The following SLC35F6 variants were observed in gnomAD, a reference collection of about 807,000 sequenced individuals.
The protein encoded by SLC35F6 is ANT2-binding protein.
A neutral mutation model predicts 29.4 loss-of-function variants in SLC35F6; 26 were observed. The ratio of observed to expected loss-of-function variants is 0.89; its 90% confidence interval spans 0.65 to 1.23. The LOEUF (loss-of-function observed/expected upper bound fraction) is 1.23, where lower values mean the gene tolerates loss of function less well. Ranked by LOEUF, SLC35F6 falls within the 50% of genes most tolerant of loss-of-function variation. SLC35F6 has a pLI of 0.00. For missense variants in SLC35F6, 428 were observed against 487.8 expected (o/e 0.88, Z 1.15); for synonymous variants, 174 against 206.6 (o/e 0.84, Z 1.35).
intron 1 of SLC35F6, among the ~76,000 whole-genome samples, chr2:26,766,548 A>G (rs965401890): frequency 2.6e-5 from 4 of 152,174 alleles, no homozygotes; most frequent in African/African-American, 9.7e-5. Flanking sequence ...CAATGAGCCA[A>G]GATTGCACCA....
At chr2:26,776,170 G>A (rs549348951) in intron 4 of SLC35F6, among the ~76,000 whole-genome samples, 25 of 152,356 alleles carry the variant, frequency 1.6e-4, no homozygotes, top group African/African-American at 6.0e-4. Flanking sequence ...ACACAGGCAG[G>A]CCTCTGGGGC....
intron 1 of SLC35F6, among the ~76,000 whole-genome samples, chr2:26,772,702 G>A (rs1664220271): frequency 6.6e-6 from 1 of 152,146 alleles, no homozygotes; most frequent in South Asian, 2.1e-4. Context: ...CAGGAGATGA[G>A]AAGATTCAGA....
chr2:26,768,594 G>A (rs1197241705), intron 1 of SLC35F6, among the ~76,000 whole-genome samples: 1 of 151,194 alleles, frequency 6.6e-6, no homozygotes, highest in Non-Finnish European at 1.5e-5. Context: ...TCGATCTCCT[G>A]ACCTCGCCCA....
intron 5 of SLC35F6, among the ~76,000 whole-genome samples, chr2:26,777,739 T>C (rs1664326935): frequency 8.6e-6 from 1 of 116,468 alleles, no homozygotes; most frequent in East Asian, 2.0e-4. Flanking sequence ...GTAATGTTTT[T>C]ATGAGTGTGT....
At chr2:26,766,324 G>A (rs963990133) in intron 1 of SLC35F6, among the ~76,000 whole-genome samples, 2 of 152,346 alleles carry the variant, frequency 1.3e-5, no homozygotes, top group African/African-American at 2.4e-5. Flanking sequence ...CTGGCCCGGC[G>A]CGGTGGCTTA....
At chr2:26,764,931 C>T (rs1664070439) in intron 1 of SLC35F6, 1 of 985,302 alleles carries the variant, frequency 1.0e-6, no homozygotes, top group African/African-American at 1.7e-5. Flanking sequence ...GTGTCTGAGA[C>T]TGTAAGTCAA....
Position 26,775,643 on chromosome 2 carries a change from G to T in SLC35F6, c.502G>T (p.Asp168Tyr). The T allele has an allele frequency of 6.3e-7, 1 of 1,598,012 alleles. No individual in the cohort carries two copies. The change falls in exon 4 of 6, where the codon GAC (aspartate) becomes TAC (tyrosine). Residue 168 changes from aspartate to tyrosine, a missense_variant. Physicochemically the swap from Asp to Tyr is radical, Grantham distance 160. Coordinates refer to ENST00000344420, the MANE Select transcript of SLC35F6 (RefSeq NM_017877.4). The surrounding 1 kb of genome is among the most constrained non-coding windows in gnomAD (Gnocchi z 4.6). The part of the protein sequence containing the change: ...VGLADLLSKH[D>Y]SQHKLSEVIT... The stretch of plus-strand genomic sequence containing the variant: ...CCTGGCTGACCTCCTGAGCAAGCAC[G>T]ACAGTCAGCACAAGCTCAGCGAAGT...
rs996763153 is a variant in SLC35F6, at chr2:26,766,540, A to G, written c.77+2114A>G. ...TTGAACCCGGGAGGCGGAGGTTGCA[A>G]TGAGCCAAGATTGCACCACTGCCCT... On this transcript the variant is annotated intron_variant, in intron 1 of 5. Transcript: ENST00000344420. 7.9e-5 allele frequency among the ~76,000 whole-genome samples: 12 copies of G among 152,216 alleles called. No homozygotes were observed. In the South Asian group the frequency reaches 2.1e-3, roughly 26 times the overall value.
chr2:26,775,265 A>C lies in SLC35F6; in HGVS notation c.322+50A>C. 3 of 1,584,328 alleles carry C rather than the reference A, an allele frequency of 1.9e-6. No homozygotes were observed. The highest frequency in any genetic ancestry group is 2.6e-6 in the Non-Finnish European group (3 of 1,164,018). On this transcript the variant is annotated intron_variant, in intron 3 of 5. Transcript: ENST00000344420. This position sits in a 1 kb window ranked among gnomAD's most constrained non-coding sequence, Gnocchi z 4.6. ...AGGGCTCAGGGGAAGCTGTGGCTGA[A>C]GGGGCTACTGGTGAAACAGCCCTAT...
Position 26,778,027 on chromosome 2 carries a change from T to C in SLC35F6, c.647-15T>C, listed in dbSNP as rs1664333480. The C allele has an allele frequency of 6.3e-7, 1 of 1,599,864 alleles. No homozygotes were observed. The highest frequency in any genetic ancestry group is 8.5e-7 in the Non-Finnish European group (1 of 1,170,474). Reference sequence around the variant, plus strand: ...GGGGAAGGTGGAGAGTGTAACTGTTTCCTCTACTCCCCAGGCCTCTTTGGC... The same window carrying C: ...GGGGAAGGTGGAGAGTGTAACTGTTCCCTCTACTCCCCAGGCCTCTTTGGC... On this transcript the variant is annotated splice_polypyrimidine_tract_variant and intron_variant, in intron 5 of 5. Transcript: ENST00000344420.
Position 26,775,448 on chromosome 2 carries a change from G to A in SLC35F6, c.323-16G>A. On this transcript the variant is annotated splice_polypyrimidine_tract_variant and intron_variant, in intron 3 of 5. Coordinates refer to ENST00000344420, the MANE Select transcript of SLC35F6 (RefSeq NM_017877.4). The surrounding 1 kb of genome is among the most constrained non-coding windows in gnomAD (Gnocchi z 4.6). ...CGCCTTGGGAAGCTAACTGTAATTT[G>A]TTTCTCCTTTCCTAGCTCTGAACAT... 1 of 1,609,048 alleles carries A rather than the reference G, an allele frequency of 6.2e-7. No homozygotes were observed. The highest frequency in any genetic ancestry group is 1.1e-5 in the South Asian group (1 of 90,896).
At chr2:26,776,579 A>G in intron 5 of SLC35F6, 97 bp downstream of exon 5, 1 of 1,084,628 alleles carries the variant, frequency 9.2e-7, no homozygotes, top group South Asian at 1.4e-5. Flanking sequence ...GTGGGGGGTG[A>G]ACTTCCTGCC....
rs769224906 is a variant in SLC35F6 at position 26,778,231 on chromosome 2, C to G, written c.836C>G (p.Ala279Gly). The G allele has an allele frequency of 6.2e-7, 1 of 1,614,210 alleles. No individual in the cohort carries two copies. Among genetic ancestry groups the G allele is most frequent in the Non-Finnish European group, 8.5e-7 (1 of 1,180,036 alleles). ...AGCAGCATTGCCTTCTTCAACTTCGCAGGCATCAGCGTCACCAAGGAACTG... is the reference window on the plus strand; with the variant it reads ...AGCAGCATTGCCTTCTTCAACTTCGGAGGCATCAGCGTCACCAAGGAACTG... ...NISSIAFFNF[A>G]GISVTKELSA... Residue 279 changes from alanine (A) to glycine (G), a missense_variant, in exon 6 of 6, where the codon GCA (alanine) becomes GGA (glycine). Ala to Gly is a moderately conservative substitution (Grantham distance 60). Transcript: ENST00000344420.
At chr2:26,774,350 C>T (rs1664258815) in intron 2 of SLC35F6, 27 bp downstream of exon 2, 1 of 1,612,884 alleles carries the variant, frequency 6.2e-7, no homozygotes, top group Admixed American at 1.7e-5. Context: ...CTCCTACCTC[C>T]TGTCTCCCGG....
Position 26,776,460 on chromosome 2 carries a change from A to G in SLC35F6, c.624A>G (p.Pro208=), listed in dbSNP as rs1262284641. 1.7e-5 allele frequency: 28 copies of G among 1,614,040 alleles called. No individual in the cohort carries two copies. Among genetic ancestry groups the G allele is most frequent in the Non-Finnish European group, 2.2e-5 (26 of 1,180,004 alleles). The stretch of plus-strand genomic sequence containing the variant: ...TCGTCTACAAACACAATGTGCACCC[A>G]CTGCGGGCAGTTGGCACTGAGGGTG... The part of the protein sequence containing the change: ...EKFVYKHNVH[P]LRAVGTEGLF... The change falls in exon 5 of 6, where the codon CCA becomes CCG. Residue 208 remains proline (P), a synonymous_variant. Coordinates refer to ENST00000344420, the MANE Select transcript of SLC35F6 (RefSeq NM_017877.4).
intron 2 of SLC35F6, among the ~76,000 whole-genome samples, 160 bp from the exon 3 acceptor site, chr2:26,774,884 G>A (rs889995276): frequency 7.9e-5 from 12 of 152,228 alleles, no homozygotes; most frequent in South Asian, 6.2e-4. Context: ...GACCTAGGAG[G>A]CTGTCTCTAG....
At chr2:26,766,284 G>A (rs887348420) in intron 1 of SLC35F6, among the ~76,000 whole-genome samples, 8 of 152,228 alleles carry the variant, frequency 5.3e-5, no homozygotes, top group South Asian at 4.1e-4. Flanking sequence ...CATGCACCCC[G>A]ATGTGAAGTA....
At position 26,778,448 on chromosome 2, in the gene SLC35F6, AGAG is replaced by A. The variant is rs1664346761; in HGVS notation, c.1057_1059del (p.Glu353del). Reference sequence around the variant, plus strand: ...GCCTGTCCAGGGGCCGGCCCCTGGCAGAGGAGAGCGAGCAGGAGAGACTGCTGG... The same window carrying A: ...GCCTGTCCAGGGGCCGGCCCCTGGCAGAGAGCGAGCAGGAGAGACTGCTGG... On this transcript the variant is annotated inframe_deletion, in exon 6 of 6. Coordinates refer to ENST00000344420, the MANE Select transcript of SLC35F6 (RefSeq NM_017877.4). 2 of 1,613,820 alleles carry A rather than the reference AGAG, an allele frequency of 1.2e-6. No homozygotes were observed. Among genetic ancestry groups the A allele is most frequent in the Non-Finnish European group, 1.7e-6 (2 of 1,179,970 alleles).
In SLC35F6 at chr2:26,775,612, C is replaced by T. The variant is rs773055364; in HGVS notation, c.471C>T (p.Val157=). Residue 157 remains valine, a synonymous_variant, in exon 4 of 6, where the codon GTC becomes GTT. Coordinates refer to ENST00000344420, the MANE Select transcript of SLC35F6 (RefSeq NM_017877.4). The surrounding 1 kb of genome is among the most constrained non-coding windows in gnomAD (Gnocchi z 4.6). The part of the protein sequence containing the change: ...GILATIAGLV[V]VGLADLLSKH... The stretch of plus-strand genomic sequence containing the variant: ...TAGCCACCATCGCGGGGCTGGTGGT[C>T]GTGGGCCTGGCTGACCTCCTGAGCA... 1.3e-5 allele frequency: 21 copies of T among 1,605,370 alleles called. No individual in the cohort carries two copies. Among genetic ancestry groups the T allele is most frequent in the African/African-American group, 5.4e-5 (4 of 74,740 alleles).
Sources: gnomAD v4.1 joint callset for allele counts (sites outside exome capture counted in the v4.1 genomes callset) on GRCh38, gnomAD v4.1.1 for gene constraint, Gnocchi (gnomAD v3.1) non-coding constraint, MANE v1.5 for transcripts, NCBI Gene and HGNC (gene_info 2026-07-23, HGNC 2026-07-21) for gene names.